TEX101: variants seen among roughly 807,000 people sequenced by gnomAD.
TEX101 encodes testis-expressed protein 101.
In TEX101, 10 loss-of-function variants were observed where a neutral mutation model predicts 18.1. The ratio of observed to expected loss-of-function variants is 0.55; its 90% CI spans 0.34 to 0.94. The LOEUF is 0.94. TEX101 is among the 40% of genes least tolerant of loss of function. TEX101 has a pLI of 0.02. For missense variants in TEX101, 259 were observed against 298.9 expected, an observed-to-expected ratio of 0.87 and a Z score of 0.98; for synonymous variants, 94 against 114.8, an observed-to-expected ratio of 0.82 and a Z score of 1.16.
upstream of TEX101, among the ~76,000 whole-genome samples, chr19:43,412,239 C>CA (rs1421857944): frequency 1.3e-5 from 2 of 152,086 alleles, no homozygotes. Flanking sequence ...TTACTTATGG[C>CA]AAAAGGATGC....
upstream of TEX101, chr19:43,414,739 G>A (rs768131464): frequency 1.9e-4 from 140 of 720,572 alleles, no homozygotes; most frequent in Middle Eastern, 2.0e-3. Flanking sequence ...CCGAGCATGC[G>A]CACCCTCCGA....
upstream of TEX101, among the ~76,000 whole-genome samples, chr19:43,398,226 CATATAATATATAAAAT>C (rs1970289992): frequency 2.2e-5 from 2 of 89,092 alleles, no homozygotes; most frequent in South Asian, 3.0e-4. Flanking sequence ...ATATGTATAA[CATATAATATATAAAAT>C]ATATAATATA....
intron 2 of TEX101, chr19:43,402,974 T>TA (rs1231560976): frequency 6.6e-6 from 1 of 152,108 alleles, no homozygotes; most frequent in African/African-American, 2.4e-5. Flanking sequence ...CTTAACCCCT[T>TA]AAAAAAGTAT....
intron 3 of TEX101, among the ~76,000 whole-genome samples, chr19:43,407,008 G>A (rs1166359750): frequency 6.7e-6 from 1 of 149,422 alleles, no homozygotes; most frequent in African/African-American, 2.5e-5. Context: ...TGCTCACTGC[G>A]CTATGTGAGC....
At chr19:43,397,885 TTA>T (rs1157536302), upstream of TEX101, among the ~76,000 whole-genome samples, 9 of 71,382 alleles carry the variant, frequency 1.3e-4, no homozygotes, top group Admixed American at 2.4e-4. Flanking sequence ...AAAATATATA[TTA>T]TATATAAATA....
upstream of TEX101, among the ~76,000 whole-genome samples, chr19:43,400,516 T>A (rs1970309922): frequency 6.6e-6 from 1 of 152,238 alleles, no homozygotes; most frequent in African/African-American, 2.4e-5. Flanking sequence ...GTCATGCAGC[T>A]GTTTGCACTA....
At chr19:43,408,160 AGGAGGCGCCC>A (rs1970386535) in intron 3 of TEX101, among the ~76,000 whole-genome samples, 1 of 152,196 alleles carries the variant, frequency 6.6e-6, no homozygotes, top group Non-Finnish European at 1.5e-5. Context: ...CAATGCCCTC[AGGAGGCGCCC>A]GCCCCGCCCT....
At chr19:43,391,406 CTTTTTTTTTTT>C in the TEX101 span, among the ~76,000 whole-genome samples, 1 of 95,898 alleles carries the variant, frequency 1.0e-5, no homozygotes, top group Non-Finnish European at 2.0e-5. Context: ...TTCTGTTTTT[CTTTTTTTTTTT>C]TTTTTTTTTT....
chr19:43,413,828 C>T (rs189395863), upstream of TEX101, among the ~76,000 whole-genome samples: 1 of 152,178 alleles, frequency 6.6e-6, no homozygotes, highest in African/African-American at 2.4e-5. Flanking sequence ...TGGCAGGTGC[C>T]TGTAATCCTA....
intron 2 of TEX101, chr19:43,402,941 A>C (rs1255142012): frequency 1.3e-5 from 2 of 152,196 alleles, no homozygotes; most frequent in African/African-American, 4.8e-5. Context: ...AATTCATGAA[A>C]GCTTTTGAGA....
At chr19:43,389,129 G>A in the TEX101 span, among the ~76,000 whole-genome samples, 6 of 152,158 alleles carry the variant, frequency 3.9e-5, no homozygotes, top group South Asian at 2.1e-4. Context: ...TCTGCACCAG[G>A]ACTTCCCGCC....
At chr19:43,413,006 T>C (rs996846745), upstream of TEX101, among the ~76,000 whole-genome samples, 1 of 152,032 alleles carries the variant, frequency 6.6e-6, no homozygotes, top group Non-Finnish European at 1.5e-5. Context: ...CACCCAGCCC[T>C]AGGAGTTAAA....
At chr19:43,388,688 C>T in the TEX101 span, among the ~76,000 whole-genome samples, 1 of 152,182 alleles carries the variant, frequency 6.6e-6, no homozygotes, top group Admixed American at 6.5e-5. Context: ...TATCTGGAGA[C>T]CATGTGTGTA....
chr19:43,407,943 G>C (rs960611489), intron 3 of TEX101, among the ~76,000 whole-genome samples: 2 of 152,236 alleles, frequency 1.3e-5, no homozygotes, highest in Non-Finnish European at 2.9e-5. Context: ...TTCTGGGTCC[G>C]AGTTTTCTCT....
the TEX101 span, among the ~76,000 whole-genome samples, chr19:43,394,765 C>T: frequency 6.6e-6 from 1 of 152,134 alleles, no homozygotes; most frequent in Non-Finnish European, 1.5e-5. Flanking sequence ...CCACTGCACC[C>T]GGCCTTACTT....
At chr19:43,404,515 TG>T (rs1248056762) in intron 2 of TEX101, among the ~76,000 whole-genome samples, 2 of 152,158 alleles carry the variant, frequency 1.3e-5, no homozygotes, top group African/African-American at 4.8e-5. Context: ...CCTTTTATTT[TG>T]AAAGTTTTCA....
chr19:43,412,127 A>G (rs893247231), upstream of TEX101, among the ~76,000 whole-genome samples: 9 of 152,202 alleles, frequency 5.9e-5, no homozygotes, highest in Non-Finnish European at 1.0e-4. Context: ...ACCTGAGACT[A>G]GAAGTAATTT....
the TEX101 span, among the ~76,000 whole-genome samples, chr19:43,396,492 A>T: frequency 6.6e-6 from 1 of 152,248 alleles, no homozygotes. Context: ...CTTAATCACA[A>T]GCATAGCCTG....
the TEX101 span, among the ~76,000 whole-genome samples, chr19:43,389,543 C>G: frequency 6.6e-6 from 1 of 152,148 alleles, no homozygotes; most frequent in Non-Finnish European, 1.5e-5. Flanking sequence ...TGGTCCTTGC[C>G]CTGGGCCCTG....
Sources: allele counts gnomAD v4.1 joint callset (sites outside exome capture counted in the v4.1 genomes callset), GRCh38; gene constraint gnomAD v4.1.1; transcripts MANE v1.5; gene names NCBI Gene and HGNC (gene_info 2026-07-23, HGNC 2026-07-21).